MBTPS1: variants seen among roughly 807,000 people sequenced by gnomAD.
MBTPS1 encodes the protein membrane bound transcription factor peptidase, site 1.
A neutral mutation model predicts 127.8 loss-of-function variants in MBTPS1; 94 were observed. That is an observed-to-expected ratio of 0.74 (90% confidence interval 0.62 to 0.87). The LOEUF (loss-of-function observed/expected upper bound fraction) is 0.87. Among genes scored for constraint, MBTPS1 ranks in the 40% least tolerant of loss-of-function variants. The pLI is 0.00. For synonymous variants in MBTPS1, 632 were observed against 509.4 expected (o/e 1.24, Z -3.24); for missense variants, 1,636 against 1,353.2 (o/e 1.21, Z -3.28).
At chr16:84,063,078 T>C (rs1485768645) in intron 19 of MBTPS1, among the ~76,000 whole-genome samples, 1 of 152,256 alleles carries the variant, frequency 6.6e-6, no homozygotes, top group African/African-American at 2.4e-5. Flanking sequence ...AGAAGAGGCA[T>C]CATGGCCCCA....
At chr16:84,059,039 T>C (rs556637326) in intron 21 of MBTPS1, among the ~76,000 whole-genome samples, 1 of 152,316 alleles carries the variant, frequency 6.6e-6, no homozygotes, top group African/African-American at 2.4e-5. Context: ...ATGAAATCAC[T>C]CTGTTGGATC....
At chr16:84,108,319 C>A (rs975919122) in intron 1 of MBTPS1, among the ~76,000 whole-genome samples, 1 of 152,204 alleles carries the variant, frequency 6.6e-6, no homozygotes, top group African/African-American at 2.4e-5. Context: ...GGCTGGAGTG[C>A]AATGGCACGA....
intron 8 of MBTPS1, among the ~76,000 whole-genome samples, chr16:84,088,543 C>T (rs2086061283): frequency 6.6e-6 from 1 of 152,192 alleles, no homozygotes; most frequent in African/African-American, 2.4e-5. Context: ...CCCTCCTCTA[C>T]CTGCTAAGCC....
chr16:84,107,994 C>T (rs1567506554), intron 1 of MBTPS1, among the ~76,000 whole-genome samples: 1 of 151,376 alleles, frequency 6.6e-6, no homozygotes. Context: ...GCATGAGCCA[C>T]TGTGTCTGGC....
intron 10 of MBTPS1, among the ~76,000 whole-genome samples, chr16:84,084,521 ACAT>A (rs1292314305): frequency 6.6e-6 from 1 of 152,248 alleles, no homozygotes; most frequent in Non-Finnish European, 1.5e-5. Context: ...GTATTCCATA[ACAT>A]CATGTTGTAT....
Position 84,095,783 on chromosome 16 carries a change from A to T in MBTPS1, c.444T>A (p.Asn148Lys). Residue 148 changes from asparagine (N) to lysine (K), a missense_variant, in exon 4 of 23, where the codon AAT becomes AAA. Physicochemically the swap from Asn to Lys is moderately conservative, Grantham distance 94. Transcript: ENST00000343411. ...YAESDPTVPC[N>K]ETRWSQKWQS... Reference sequence around the variant, plus strand: ...GCCACTTCTGGCTCCACCGGGTTTCATTGCAGGGTACTGTGGGGTCAGCTA... The same window carrying T: ...GCCACTTCTGGCTCCACCGGGTTTCTTTGCAGGGTACTGTGGGGTCAGCTA... 6.2e-7 allele frequency: 1 copy of T among 1,613,922 alleles called. No homozygotes were observed. Among genetic ancestry groups the T allele is most frequent in the Non-Finnish European group, 8.5e-7 (1 of 1,179,958 alleles).
At chr16:84,099,670 G>A (rs2086227358) in intron 2 of MBTPS1, among the ~76,000 whole-genome samples, 1 of 151,602 alleles carries the variant, frequency 6.6e-6, no homozygotes, top group Admixed American at 6.6e-5. Flanking sequence ...CTATAATCCT[G>A]GGAGGCTAAG....
intron 1 of MBTPS1, chr16:84,109,540 G>T (rs1004124702): frequency 6.6e-6 from 1 of 152,332 alleles, no homozygotes; most frequent in African/African-American, 2.4e-5. Flanking sequence ...GCACTGAGAA[G>T]AGCCGGCATC....
intron 1 of MBTPS1, among the ~76,000 whole-genome samples, chr16:84,107,658 C>G (rs1366749218): frequency 6.6e-6 from 1 of 151,622 alleles, no homozygotes; most frequent in African/African-American, 2.4e-5. Flanking sequence ...GGCAGAGGGA[C>G]TGGGGTCCCC....
At position 84,054,207 on chromosome 16, in the gene MBTPS1, G is replaced by A. The variant is rs967276773; in HGVS notation, c.*242C>T. The stretch of plus-strand genomic sequence containing the variant: ...CGAGTCTTTGGTGCGCACAGCTGCC[G>A]GCGGGAAGTCTCACTGGCGGCAGAG... On this transcript the variant is annotated 3_prime_UTR_variant, in exon 23 of 23. Coordinates refer to ENST00000343411, the MANE Select transcript of MBTPS1 (RefSeq NM_003791.4). The A allele has an allele frequency of 2.5e-5, 9 of 354,556 alleles. No homozygotes were observed. The highest frequency in any genetic ancestry group is 3.6e-5 in the Non-Finnish European group (7 of 195,704). 22.0% of individuals were successfully genotyped at this position (354,556 alleles called of 1,614,324 possible).
At chr16:84,074,237 C>CG (rs2085817139) in intron 12 of MBTPS1, among the ~76,000 whole-genome samples, 1 of 144,398 alleles carries the variant, frequency 6.9e-6, no homozygotes, top group Non-Finnish European at 1.5e-5. Context: ...GGGCTATTTC[C>CG]TTTTTTTTTT....
intron 19 of MBTPS1, among the ~76,000 whole-genome samples, chr16:84,062,508 A>G (rs1567472890): frequency 1.3e-5 from 2 of 152,210 alleles, no homozygotes; most frequent in Non-Finnish European, 1.5e-5. Flanking sequence ...ACGGAGGGGC[A>G]CACACACACC....
At position 84,054,244 on chromosome 16, in the gene MBTPS1, C is replaced by T. The variant is rs2085482006; in HGVS notation, c.*205G>A. The T allele has an allele frequency of 4.7e-6, 2 of 425,314 alleles. No individual in the cohort carries two copies. Among genetic ancestry groups the T allele is most frequent in the African/African-American group, 4.1e-5 (2 of 49,004 alleles). The allele number at this position is 425,314 out of a possible 1,614,324, so 26.3% of individuals were successfully genotyped here. On this transcript the variant is annotated 3_prime_UTR_variant, in exon 23 of 23. Transcript: ENST00000343411. ...CACTGGCGGCAGAGCCACTAAGTCC[C>T]TCCTGACGGGATCCACAGGAATCTT...
chr16:84,105,941 C>T (rs749786684), intron 1 of MBTPS1, among the ~76,000 whole-genome samples: 1 of 152,130 alleles, frequency 6.6e-6, no homozygotes, highest in Non-Finnish European at 1.5e-5. Flanking sequence ...GGGAGACAGA[C>T]CGTAACTAAG....
Position 84,095,816 on chromosome 16 carries a change from G to C in MBTPS1, c.422-11C>G, listed in dbSNP as rs762499691. 3.7e-6 allele frequency: 6 copies of C among 1,610,564 alleles called. No homozygotes were observed. The Admixed American group carries it at 1.0e-4, about 27-fold the overall frequency. Reference sequence around the variant, plus strand: ...GTACTGTGGGGTCAGCTACAGGCAAGGGAGAGAAAGATCAGAACAGAAGAG... The same window carrying C: ...GTACTGTGGGGTCAGCTACAGGCAACGGAGAGAAAGATCAGAACAGAAGAG... On this transcript the variant is annotated splice_polypyrimidine_tract_variant and intron_variant, in intron 3 of 22. Transcript: ENST00000343411.
intron 5 of MBTPS1, 93 bp downstream of exon 5, chr16:84,093,618 G>T: frequency 1.1e-6 from 1 of 917,810 alleles, no homozygotes; most frequent in Non-Finnish European, 1.8e-6. Context: ...CCTTGGGCTT[G>T]TCTGAATAAT....
intron 10 of MBTPS1, among the ~76,000 whole-genome samples, chr16:84,083,590 C>G (rs1300723979): frequency 6.6e-6 from 1 of 152,048 alleles, no homozygotes; most frequent in Non-Finnish European, 1.5e-5. Context: ...CACAACCAGC[C>G]AAGTATCTAG....
At position 84,099,033 on chromosome 16, in the gene MBTPS1, C is replaced by G. The variant is rs760004973; in HGVS notation, c.421+20G>C. The stretch of plus-strand genomic sequence containing the variant: ...AAAGTAAACAGCAGAGAGAAATTTG[C>G]CTACAGTCACAATACTCACATTCAG... On this transcript the variant is annotated intron_variant, in intron 3 of 22. Transcript: ENST00000343411. The G allele has an allele frequency of 2.5e-6, 4 of 1,608,476 alleles. No individual in the cohort carries two copies. The highest frequency in any genetic ancestry group is 1.7e-4 in the Middle Eastern group (1 of 6,044).
At chr16:84,057,464 T>C (rs1198045977) in intron 21 of MBTPS1, 1 of 152,246 alleles carries the variant, frequency 6.6e-6, no homozygotes, top group Non-Finnish European at 1.5e-5. Context: ...CTTTACAGCA[T>C]ACTGACGGAA....
Sources: gnomAD v4.1 joint callset for allele counts (sites outside exome capture counted in the v4.1 genomes callset) on GRCh38, gnomAD v4.1.1 for gene constraint, MANE v1.5 for transcripts, NCBI Gene and HGNC (gene_info 2026-07-23, HGNC 2026-07-21) for gene names.